FNBP1L: variants seen among roughly 807,000 people sequenced by gnomAD.
FNBP1L encodes formin-binding protein 1-like.
Under a neutral mutation model 91.2 loss-of-function variants are expected in FNBP1L, and 36 were observed. The observed-to-expected ratio is 0.39, with a 90% CI of 0.30 to 0.52. The LOEUF is 0.52. Among genes scored for constraint, FNBP1L ranks in the 20% least tolerant of loss-of-function variants. The pLI, the probability that FNBP1L is intolerant of heterozygous loss-of-function variation, is 0.66. For synonymous variants in FNBP1L, 242 were observed against 237.0 expected (o/e 1.02, Z -0.19); for missense variants, 571 against 732.1 (o/e 0.78, Z 2.54).
chr1:93,507,142 C>CTT (rs1670663954), intron 2 of FNBP1L, among the ~76,000 whole-genome samples: 4 of 142,280 alleles, frequency 2.8e-5, no homozygotes, highest in Non-Finnish European at 6.1e-5. Flanking sequence ...CTCTCTCTCT[C>CTT]TCTCTCTCTT....
intron 1 of FNBP1L, among the ~76,000 whole-genome samples, chr1:93,493,443 A>G (rs1311231392): frequency 6.6e-6 from 1 of 152,086 alleles, no homozygotes; most frequent in Non-Finnish European, 1.5e-5. Context: ...GTGCGTTGAT[A>G]CTGTTGTACA....
At chr1:93,542,891 C>T (rs1672099571) in intron 11 of FNBP1L, among the ~76,000 whole-genome samples, 1 of 148,358 alleles carries the variant, frequency 6.7e-6, no homozygotes, top group Non-Finnish European at 1.5e-5. Context: ...TCAAGTGATT[C>T]TCCTGCCTCA....
intron 1 of FNBP1L, among the ~76,000 whole-genome samples, chr1:93,467,000 G>A (rs991340301): frequency 1.3e-5 from 2 of 152,132 alleles, no homozygotes; most frequent in African/African-American, 4.8e-5. Context: ...GGAAGTACAG[G>A]TGTGCGCCAC....
At chr1:93,492,462 C>T (rs1309603515) in intron 1 of FNBP1L, among the ~76,000 whole-genome samples, 1 of 152,142 alleles carries the variant, frequency 6.6e-6, no homozygotes, top group African/African-American at 2.4e-5. Context: ...TATATGTTAT[C>T]TAAAAAATAA....
intron 1 of FNBP1L, among the ~76,000 whole-genome samples, chr1:93,488,956 A>G (rs1212930385): frequency 6.6e-6 from 1 of 152,190 alleles, no homozygotes; most frequent in East Asian, 1.9e-4. Context: ...GATGGTTAGG[A>G]GATGGTGTAA....
intron 15 of FNBP1L, 136 bp downstream of exon 15, chr1:93,549,562 A>T (rs1672342594): frequency 1.5e-6 from 1 of 681,968 alleles, no homozygotes; most frequent in Non-Finnish European, 2.3e-6. Context: ...TTTAGTATGC[A>T]TACTTTTGTT....
intron 1 of FNBP1L, among the ~76,000 whole-genome samples, chr1:93,484,626 C>G (rs1221398560): frequency 1.3e-5 from 2 of 152,124 alleles, no homozygotes; most frequent in Admixed American, 1.3e-4. Context: ...TAGAGGAACT[C>G]CTGGCAGGAA....
At chr1:93,463,227 C>A (rs536036326) in intron 1 of FNBP1L, among the ~76,000 whole-genome samples, 1 of 152,214 alleles carries the variant, frequency 6.6e-6, no homozygotes, top group South Asian at 2.1e-4. Context: ...TTGTGCATTT[C>A]CTGCCCCAAA....
At chr1:93,489,277 C>A (rs893680742) in intron 1 of FNBP1L, among the ~76,000 whole-genome samples, 1 of 151,020 alleles carries the variant, frequency 6.6e-6, no homozygotes, top group African/African-American at 2.4e-5. Context: ...GTGGATATGA[C>A]GACAGGAGTG....
intron 1 of FNBP1L, among the ~76,000 whole-genome samples, chr1:93,480,088 T>C (rs1669640534): frequency 6.6e-6 from 1 of 152,208 alleles, no homozygotes; most frequent in Non-Finnish European, 1.5e-5. Flanking sequence ...ATCTTCACAA[T>C]TTATGTTCCT....
At chr1:93,448,336 A>T in intron 1 of FNBP1L, 31 bp downstream of exon 1, 4 of 1,483,798 alleles carry the variant, frequency 2.7e-6, no homozygotes, top group East Asian at 5.9e-5. Context: ...CCCCGCACGG[A>T]CCCCGGCCCC....
At chr1:93,505,221 A>C (rs547472437) in intron 2 of FNBP1L, among the ~76,000 whole-genome samples, 1 of 150,256 alleles carries the variant, frequency 6.7e-6, no homozygotes, top group African/African-American at 2.5e-5. Flanking sequence ...AAGCTGTTTG[A>C]AATGTTTGTT....
intron 10 of FNBP1L, among the ~76,000 whole-genome samples, chr1:93,537,863 A>C (rs1439135225): frequency 6.6e-6 from 1 of 152,082 alleles, no homozygotes; most frequent in Non-Finnish European, 1.5e-5. Flanking sequence ...TTTTTAATTT[A>C]AAATTGTTTT....
chr1:93,524,734 A>T (rs1450887803), intron 5 of FNBP1L, among the ~76,000 whole-genome samples: 1 of 151,872 alleles, frequency 6.6e-6, no homozygotes, highest in Non-Finnish European at 1.5e-5. Flanking sequence ...TTAACACTTG[A>T]TGTCTCTTGA....
At chr1:93,474,761 A>G (rs914397501) in intron 1 of FNBP1L, among the ~76,000 whole-genome samples, 2 of 152,086 alleles carry the variant, frequency 1.3e-5, no homozygotes, top group East Asian at 3.8e-4. Flanking sequence ...TAGAGAGATG[A>G]TGGCCAGAGC....
At chr1:93,480,346 A>G (rs1669654224) in intron 1 of FNBP1L, among the ~76,000 whole-genome samples, 1 of 152,222 alleles carries the variant, frequency 6.6e-6, no homozygotes, top group African/African-American at 2.4e-5. Context: ...TGCCATAGCG[A>G]GTGGAAAGAC....
chr1:93,480,719 C>T (rs189512056), intron 1 of FNBP1L, among the ~76,000 whole-genome samples: 50 of 152,012 alleles, frequency 3.3e-4, no homozygotes, highest in African/African-American at 1.1e-3. Context: ...CCTGCCACCA[C>T]GCCCGGCTAA....
chr1:93,551,181 A>G (rs941882401), intron 16 of FNBP1L, 76 bp downstream of exon 16: 4 of 1,426,474 alleles, frequency 2.8e-6, no homozygotes, highest in Admixed American at 2.6e-5. Context: ...ATAAAATGAA[A>G]ACACATTCAA....
At position 93,515,248 on chromosome 1, in the gene FNBP1L, T is replaced by TA. The variant is rs1168192354; in HGVS notation, c.141-6829dup. 1.1e-4 allele frequency among the ~76,000 whole-genome samples: 16 copies of TA among 152,030 alleles called. No individual in the cohort carries two copies. In the East Asian group the frequency reaches 2.9e-3, roughly 28 times the overall value. On this transcript the variant is annotated intron_variant, in intron 2 of 16. Transcript: ENST00000271234. The stretch of plus-strand genomic sequence containing the variant: ...TCACACCAGTTAGAATGGCAATCAT[T>TA]AAAAAGTCAGGAAACAACAGGTGCT...
Sources: gnomAD v4.1 joint callset for allele counts (sites outside exome capture counted in the v4.1 genomes callset) on GRCh38, gnomAD v4.1.1 for gene constraint, MANE v1.5 for transcripts, NCBI Gene and HGNC (gene_info 2026-07-23, HGNC 2026-07-21) for gene names.